The following CNDP2 variants were observed in gnomAD, a reference collection of about 807,000 sequenced individuals.
CNDP2 encodes carnosine dipeptidase 2.
CNDP2 carries 38 observed loss-of-function variants against 55.0 expected under a neutral mutation model. The ratio of observed to expected loss-of-function variants is 0.69; its 90% confidence interval spans 0.53 to 0.90. CNDP2 has a LOEUF of 0.90. Among genes scored for constraint, CNDP2 ranks in the 40% least tolerant of loss-of-function variants. The probability of loss-of-function intolerance (pLI) is 0.00; values close to 1 mark genes in which losing one functional copy is unlikely to be tolerated. For synonymous variants in CNDP2, 241 were observed against 260.2 expected (o/e 0.93, Z 0.71); for missense variants, 607 against 621.7 (o/e 0.98, Z 0.25).
intron 7 of CNDP2, 76 bp from the exon 8 acceptor site, chr18:74,513,483 G>T: frequency 7.0e-7 from 1 of 1,432,878 alleles, no homozygotes; most frequent in Non-Finnish European, 9.3e-7. Context: ...TGGCTTCCTG[G>T]GGTCGGTGCA....
intron 1 of CNDP2, 136 bp from the exon 2 acceptor site, chr18:74,499,746 A>G: frequency 2.4e-6 from 1 of 424,300 alleles, no homozygotes; most frequent in Non-Finnish European, 4.2e-6. Flanking sequence ...GTTTAGCCCC[A>G]GCCTCTAACT....
chr18:74,511,536 G>A (rs920174385), intron 6 of CNDP2, among the ~76,000 whole-genome samples: 8 of 152,072 alleles, frequency 5.3e-5, no homozygotes, highest in African/African-American at 1.4e-4. Flanking sequence ...GTGAAACCCC[G>A]TCTCCACTAA....
chr18:74,503,112 A>T (rs1410489905), intron 3 of CNDP2, among the ~76,000 whole-genome samples: 3 of 145,088 alleles, frequency 2.1e-5, no homozygotes, highest in Non-Finnish European at 3.0e-5. Context: ...AATCTAGGTG[A>T]GGTAAATCAT....
rs532283982 is a variant in CNDP2, at chr18:74,505,754, G to A, written c.205-95G>A. On this transcript the variant is annotated intron_variant, in intron 3 of 11. Coordinates refer to ENST00000324262, the MANE Select transcript of CNDP2 (RefSeq NM_018235.3). ...CAATAGAGGTTGATTGATAAGGACA[G>A]ATAAGGAAGCTCAAGGTCTTTTAAT... 25 of 1,377,238 alleles carry A rather than the reference G, an allele frequency of 1.8e-5. No homozygotes were observed. In the East Asian group the frequency reaches 6.1e-4, roughly 34 times the overall value. The allele number at this position is 1,377,238 out of a possible 1,614,324, so 85.3% of individuals were successfully genotyped here.
Position 74,518,600 on chromosome 18 carries a change from T to C in CNDP2, c.1170T>C (p.Ser390=), listed in dbSNP as rs777064273. The C allele has an allele frequency of 1.9e-6, 3 of 1,614,120 alleles. No homozygotes were observed. In the African/African-American group the frequency reaches 4.0e-5, roughly 22 times the overall value. ...GGAAGCCCTGGGTCTCCGACTTCAG[T>C]CACCCTCATTACCTGGCTGGGAGAA... ...HGGKPWVSDF[S]HPHYLAGRRA... Residue 390 remains serine, a synonymous_variant, in exon 10 of 12, where the codon AGT becomes AGC. Coordinates refer to ENST00000324262, the MANE Select transcript of CNDP2 (RefSeq NM_018235.3).
At chr18:74,498,399 A>G (rs992882856) in intron 1 of CNDP2, among the ~76,000 whole-genome samples, 1 of 152,180 alleles carries the variant, frequency 6.6e-6, no homozygotes, top group Non-Finnish European at 1.5e-5. Context: ...TGAATTTTTT[A>G]GCTCCATTAT....
intron 7 of CNDP2, among the ~76,000 whole-genome samples, chr18:74,513,065 G>A (rs890072316): frequency 8.5e-5 from 13 of 152,104 alleles, no homozygotes; most frequent in African/African-American, 2.4e-4. Context: ...AGCTGCCTGC[G>A]TGACGTCCAC....
chr18:74,508,940 A>G lies in CNDP2; in HGVS notation c.456+12A>G, dbSNP rs1244720521. 1 of 1,611,864 alleles carries G rather than the reference A, an allele frequency of 6.2e-7. No individual in the cohort carries two copies. The highest frequency in any genetic ancestry group is 2.2e-5 in the East Asian group (1 of 44,874). ...AGAAAACAGGCCAGGTATGCCCCCC[A>G]CGCTGACTTCTGCCTGAGTCCTGGG... On this transcript the variant is annotated intron_variant, in intron 5 of 11. Transcript: ENST00000324262.
chr18:74,499,955 T>A lies in CNDP2; in HGVS notation c.-19T>A. ...TTCCAAGAACCTTCGAGATCTGCGG[T>A]CTGGGGTCTGGTTGAAAGATGGCGG... On this transcript the variant is annotated 5_prime_UTR_variant, in exon 2 of 12. Coordinates refer to ENST00000324262, the MANE Select transcript of CNDP2 (RefSeq NM_018235.3). 6.2e-7 allele frequency: 1 copy of A among 1,613,454 alleles called. No homozygotes were observed. The highest frequency in any genetic ancestry group is 8.5e-7 in the Non-Finnish European group (1 of 1,179,504).
At chr18:74,518,003 G>A (rs8097112) in intron 9 of CNDP2, 146,753 of 152,294 alleles carry the variant, frequency 0.96, 70,863 homozygotes, top group Non-Finnish European at 0.99. Flanking sequence ...GGCCGGGCGC[G>A]GTGGCTCACA....
intron 3 of CNDP2, among the ~76,000 whole-genome samples, chr18:74,502,035 G>A (rs939157218): frequency 6.6e-5 from 10 of 152,022 alleles, no homozygotes; most frequent in Non-Finnish European, 1.0e-4. Flanking sequence ...CTGGGCGAGC[G>A]CCACTACACC....
At chr18:74,519,926 G>A (rs1341537850) in intron 11 of CNDP2, 73 bp from the exon 12 acceptor site, 18 of 1,390,556 alleles carry the variant, frequency 1.3e-5, no homozygotes, top group South Asian at 2.4e-5. Context: ...GTCTGGGCTC[G>A]GGAGGAGTCA....
At chr18:74,513,862 C>A in intron 8 of CNDP2, 143 bp downstream of exon 8, 1 of 797,510 alleles carries the variant, frequency 1.3e-6, no homozygotes. Context: ...ACTCAGAAAG[C>A]AGACTGTGAC....
At chr18:74,514,075 C>T (rs529651160) in intron 8 of CNDP2, among the ~76,000 whole-genome samples, 5 of 152,148 alleles carry the variant, frequency 3.3e-5, no homozygotes, top group Non-Finnish European at 5.9e-5. Flanking sequence ...GAAACTGTGC[C>T]GAACGTTTAC....
At chr18:74,514,227 T>C (rs1009411436) in intron 8 of CNDP2, among the ~76,000 whole-genome samples, 4 of 152,182 alleles carry the variant, frequency 2.6e-5, no homozygotes, top group African/African-American at 9.7e-5. Flanking sequence ...GGTACAGATG[T>C]GAGTTCTGCG....
At position 74,513,588 on chromosome 18, in the gene CNDP2, C is replaced by A; in HGVS notation, c.772C>A (p.Leu258Met). 6.2e-7 allele frequency: 1 copy of A among 1,613,684 alleles called. No individual in the cohort carries two copies. The highest frequency in any genetic ancestry group is 8.5e-7 in the Non-Finnish European group (1 of 1,179,984). The change falls in exon 8 of 12, where the codon CTG (leucine) becomes ATG (methionine). Residue 258 changes from leucine (L) to methionine (M), a missense_variant. Coordinates refer to ENST00000324262, the MANE Select transcript of CNDP2 (RefSeq NM_018235.3). ...TTTGGTGGACAAGAGGGGGAACATC[C>A]TGATCCCCGGCATTAACGAGGCCGT... Reference protein sequence around the residue: ...GSLVDKRGNILIPGINEAVAA... With the variant: ...GSLVDKRGNIMIPGINEAVAA...
In CNDP2 at chr18:74,518,567, C is replaced by G; in HGVS notation, c.1137C>G (p.Gly379=). Residue 379 remains glycine (G), a synonymous_variant, in exon 10 of 12, where the codon GGC becomes GGG. Transcript: ENST00000324262. The stretch of plus-strand genomic sequence containing the variant: ...CCAATGAGTTCAAGGTGTACATGGG[C>G]CACGGTGGGAAGCCCTGGGTCTCCG... ...RSPNEFKVYM[G]HGGKPWVSDF... is the part of the protein sequence containing the mutation. The G allele has an allele frequency of 6.2e-7, 1 of 1,614,198 alleles. No individual in the cohort carries two copies. Among genetic ancestry groups the G allele is most frequent in the Non-Finnish European group, 8.5e-7 (1 of 1,180,030 alleles).
chr18:74,506,749 C>T lies in CNDP2; in HGVS notation c.367+738C>T, dbSNP rs186202950. On this transcript the variant is annotated intron_variant, in intron 4 of 11. Transcript: ENST00000324262. ...GTCCCTGTTATTCACCAAGTGCTTCCGTGGGCCTGGCACCTGCAGGCCTTT... is the reference window on the plus strand; with the variant it reads ...GTCCCTGTTATTCACCAAGTGCTTCTGTGGGCCTGGCACCTGCAGGCCTTT... Among the ~76,000 whole-genome samples the T allele has an allele frequency of 2.6e-3, 391 of 152,354 alleles. 1 individual carries two copies. The highest frequency in any genetic ancestry group is 8.1e-3 in the African/African-American group (337 of 41,580).
At position 74,510,723 on chromosome 18, in the gene CNDP2, C is replaced by T. The variant is rs573299412; in HGVS notation, c.457-90C>T. 1.1e-5 allele frequency: 12 copies of T among 1,142,584 alleles called. 1 individual carries two copies. Among genetic ancestry groups the T allele is most frequent in the South Asian group, 8.5e-5 (6 of 70,720 alleles). 70.8% of individuals were successfully genotyped at this position (1,142,584 alleles called of 1,614,324 possible). ...CCCATGTGGTCTGTCTGGAGAATGCCGGAGATGTGAAATATGTAATCCTGA... is the reference window on the plus strand; with the variant it reads ...CCCATGTGGTCTGTCTGGAGAATGCTGGAGATGTGAAATATGTAATCCTGA... On this transcript the variant is annotated intron_variant, in intron 5 of 11. Transcript: ENST00000324262.
Sources: allele counts gnomAD v4.1 joint callset (sites outside exome capture counted in the v4.1 genomes callset), GRCh38; gene constraint gnomAD v4.1.1; transcripts MANE v1.5; gene names NCBI Gene and HGNC (gene_info 2026-07-23, HGNC 2026-07-21).